Variants in WWP2 observed in about 807,000 individuals in gnomAD.
The protein encoded by WWP2 is NEDD4-like E3 ubiquitin-protein ligase WWP2.
WWP2 carries 57 observed loss-of-function variants against 121.0 expected under a neutral mutation model. That is an observed-to-expected ratio of 0.47 (90% CI 0.38 to 0.59). The LOEUF (loss-of-function observed/expected upper bound fraction) is 0.59, where lower values mean the gene tolerates loss of function less well. Among genes scored for constraint, WWP2 ranks in the 20% least tolerant of loss-of-function variants. The pLI is 0.00. For missense variants in WWP2, 962 were observed against 1,158.9 expected, an observed-to-expected ratio of 0.83 and a Z score of 2.47; for synonymous variants, 449 against 441.3, an observed-to-expected ratio of 1.02 and a Z score of -0.22.
intron 6 of WWP2, among the ~76,000 whole-genome samples, chr16:69,855,477 G>A (rs567094943): frequency 6.6e-6 from 1 of 152,228 alleles, no homozygotes; most frequent in African/African-American, 2.4e-5. Context: ...CAGAATCCCA[G>A]AGTGTTCCTT....
At chr16:69,784,943 AAAG>A (rs1250756882) in intron 1 of WWP2, among the ~76,000 whole-genome samples, 8 of 151,960 alleles carry the variant, frequency 5.3e-5, no homozygotes, top group Admixed American at 5.2e-4. Context: ...TTTTTAAAGA[AAAG>A]AAAGAGTGGT....
At chr16:69,901,037 C>T (rs1252696474) in intron 8 of WWP2, among the ~76,000 whole-genome samples, 1 of 152,148 alleles carries the variant, frequency 6.6e-6, no homozygotes, top group Non-Finnish European at 1.5e-5. Flanking sequence ...GAGTTTAACA[C>T]ATTTCCTACC....
intron 4 of WWP2, among the ~76,000 whole-genome samples, chr16:69,813,666 C>T (rs1269739433): frequency 6.6e-6 from 1 of 152,016 alleles, no homozygotes; most frequent in Non-Finnish European, 1.5e-5. Context: ...CAGGGTTTCA[C>T]CATGTTGCCC....
chr16:69,812,510 G>A (rs1352970545), intron 4 of WWP2, among the ~76,000 whole-genome samples: 1 of 143,450 alleles, frequency 7.0e-6, no homozygotes. Context: ...ACAGAGTCTG[G>A]CTCTGTGGCC....
At chr16:69,818,252 G>C (rs1366276376) in intron 4 of WWP2, among the ~76,000 whole-genome samples, 1 of 151,656 alleles carries the variant, frequency 6.6e-6, no homozygotes, top group African/African-American at 2.4e-5. Context: ...CTGTTGCCCA[G>C]ACTGGAGTGC....
chr16:69,894,733 A>G (rs1660126727), intron 8 of WWP2, among the ~76,000 whole-genome samples: 1 of 152,118 alleles, frequency 6.6e-6, no homozygotes, highest in South Asian at 2.1e-4. Context: ...GTTTTTTCTC[A>G]GCGCTCAGCC....
chr16:69,911,819 G>T (rs147012529), intron 9 of WWP2, among the ~76,000 whole-genome samples: 2 of 152,144 alleles, frequency 1.3e-5, no homozygotes, highest in Non-Finnish European at 2.9e-5. Flanking sequence ...TGGAAGAGGA[G>T]AAACAGCATA....
At chr16:69,826,571 CAA>C (rs762732099) in intron 4 of WWP2, among the ~76,000 whole-genome samples, 9 of 37,232 alleles carry the variant, frequency 2.4e-4, no homozygotes, top group African/African-American at 4.1e-4. Context: ...GACTCCGTCT[CAA>C]AAAAAAAAAA....
intron 8 of WWP2, among the ~76,000 whole-genome samples, chr16:69,896,046 G>A (rs543529712): frequency 2.5e-4 from 38 of 152,128 alleles, no homozygotes; most frequent in Non-Finnish European, 5.1e-4. Flanking sequence ...TACTGTTGTC[G>A]GAGGCTGGGC....
rs149965395 is a variant in WWP2, at chr16:69,866,987, G to A, written c.576-4817G>A. ...TGAGTAGCTGGGACTACAGACATGC[G>A]CCACCAGGCCTGGCTAATTTTTGTT... On this transcript the variant is annotated intron_variant, in intron 6 of 23. Transcript: ENST00000359154. Among the ~76,000 whole-genome samples, 457 of 152,054 alleles carry A rather than the reference G, an allele frequency of 3.0e-3. 2 individuals carry two copies. The highest frequency in any genetic ancestry group is 0.01 in the African/African-American group (434 of 41,498).
At chr16:69,889,975 G>T (rs1052534290) in intron 8 of WWP2, among the ~76,000 whole-genome samples, 2 of 151,994 alleles carry the variant, frequency 1.3e-5, no homozygotes, top group African/African-American at 4.8e-5. Context: ...TGTTGTTTGA[G>T]ACAGGGTCTC....
rs764830430 is a variant in WWP2 at position 69,936,461 on chromosome 16, C to T, written c.2117+9C>T. On this transcript the variant is annotated intron_variant, in intron 19 of 23. Transcript: ENST00000359154. Reference sequence around the variant, plus strand: ...AAGGAAGAGTACATCATGTGAGTCTCAGGCGCCGGGGGCTCCGCTCCAGGG... The same window carrying T: ...AAGGAAGAGTACATCATGTGAGTCTTAGGCGCCGGGGGCTCCGCTCCAGGG... 1 of 1,613,850 alleles carries T rather than the reference C, an allele frequency of 6.2e-7. No individual in the cohort carries two copies. The highest frequency in any genetic ancestry group is 1.1e-5 in the South Asian group (1 of 91,068).
intron 10 of WWP2, among the ~76,000 whole-genome samples, 192 bp downstream of exon 10, chr16:69,918,075 C>A (rs2151973473): frequency 6.6e-6 from 1 of 152,324 alleles, no homozygotes; most frequent in African/African-American, 2.4e-5. Flanking sequence ...TCAGCAGCTC[C>A]ATATCTAGCC....
At chr16:69,798,554 C>A in intron 2 of WWP2, 128 bp from the exon 3 acceptor site, 7 of 1,091,770 alleles carry the variant, frequency 6.4e-6, no homozygotes, top group Non-Finnish European at 6.1e-6. Flanking sequence ...TTTTTAGAAT[C>A]AAGACAAAAC....
At chr16:69,919,139 C>A (rs4985457) in intron 10 of WWP2, among the ~76,000 whole-genome samples, 1 of 13,722 alleles carries the variant, frequency 7.3e-5, no homozygotes, top group Admixed American at 6.9e-4. Flanking sequence ...CCACCATCCC[C>A]GACCACATTT....
chr16:69,937,623 A>G lies in WWP2; in HGVS notation c.2314A>G (p.Asn772Asp). ...KSTIYRHYTK[N>D]SKQIQWFWQV... is the part of the protein sequence containing the mutation. ...CACCATCTACCGGCACTACACCAAG[A>G]ACAGCAAGCAGATCCAGTGGTTCTG... Residue 772 changes from asparagine to aspartate, a missense_variant, in exon 21 of 24, where the codon AAC becomes GAC. Physicochemically the swap from Asn to Asp is conservative, Grantham distance 23. This residue lies in a region of WWP2 where 606 missense variants were observed against 772.6 expected (regional missense o/e 0.78). Transcript: ENST00000359154. This position sits in a 1 kb window ranked among gnomAD's most constrained non-coding sequence, Gnocchi z 6.6. The G allele has an allele frequency of 6.2e-7, 1 of 1,613,950 alleles. No individual in the cohort carries two copies. The highest frequency in any genetic ancestry group is 8.5e-7 in the Non-Finnish European group (1 of 1,179,998).
chr16:69,876,792 C>A (rs1488429103), intron 7 of WWP2, among the ~76,000 whole-genome samples: 5 of 152,216 alleles, frequency 3.3e-5, no homozygotes, highest in Non-Finnish European at 7.3e-5. Context: ...TCCATCAGAG[C>A]TCTTGGGTAA....
chr16:69,812,613 C>T (rs1233363706), intron 4 of WWP2, among the ~76,000 whole-genome samples: 2 of 151,648 alleles, frequency 1.3e-5, no homozygotes, highest in Non-Finnish European at 2.9e-5. Context: ...TAGTTGAGAC[C>T]ACAGATATGT....
chr16:69,843,178 T>C (rs1484710662), intron 6 of WWP2, among the ~76,000 whole-genome samples: 1 of 152,176 alleles, frequency 6.6e-6, no homozygotes, highest in African/African-American at 2.4e-5. Context: ...AATGGTTCTT[T>C]GTGCAATTTT....
Sources: allele counts gnomAD v4.1 joint callset (sites outside exome capture counted in the v4.1 genomes callset), GRCh38; gene constraint gnomAD v4.1.1; regional missense constraint gnomAD v4.1.1; non-coding constraint Gnocchi (gnomAD v3.1); transcripts MANE v1.5; gene names NCBI Gene and HGNC (gene_info 2026-07-23, HGNC 2026-07-21).